Variants in CDK6 observed in about 807,000 individuals in gnomAD.
CDK6 encodes the protein cyclin-dependent kinase 6.
A neutral mutation model predicts 37.1 loss-of-function variants in CDK6; 6 were observed. The ratio of observed to expected loss-of-function variants is 0.16; its 90% CI spans 0.09 to 0.32. The LOEUF is 0.32. CDK6 is among the 10% of genes least tolerant of loss of function. CDK6 has a pLI of 1.00. For missense variants in CDK6, 224 were observed against 418.9 expected, an observed-to-expected ratio of 0.53 and a Z score of 4.06; for synonymous variants, 160 against 161.3, an observed-to-expected ratio of 0.99 and a Z score of 0.06.
intron 6 of CDK6, among the ~76,000 whole-genome samples, chr7:92,620,262 A>C (rs924676697): frequency 3.3e-5 from 5 of 152,194 alleles, no homozygotes; most frequent in African/African-American, 1.2e-4. Context: ...ATTTTATATA[A>C]AATTTTAAAC....
At chr7:92,677,132 A>T (rs1485444928) in intron 4 of CDK6, among the ~76,000 whole-genome samples, 1 of 152,210 alleles carries the variant, frequency 6.6e-6, no homozygotes, top group African/African-American at 2.4e-5. Context: ...ACCAAGTGAG[A>T]GTGAAATTAG....
At chr7:92,742,542 TTAACTA>T (rs1385588868) in intron 3 of CDK6, among the ~76,000 whole-genome samples, 1 of 152,198 alleles carries the variant, frequency 6.6e-6, no homozygotes, top group Non-Finnish European at 1.5e-5. Flanking sequence ...ATTTTGTACT[TTAACTA>T]TATATCTAAG....
chr7:92,648,099 G>A (rs776211060), intron 5 of CDK6, among the ~76,000 whole-genome samples: 19 of 152,104 alleles, frequency 1.2e-4, no homozygotes, highest in Non-Finnish European at 2.4e-4. Flanking sequence ...GTGTGTGTGG[G>A]TATGTGTGTG....
At chr7:92,769,636 C>G in intron 3 of CDK6, among the ~76,000 whole-genome samples, 1 of 152,050 alleles carries the variant, frequency 6.6e-6, no homozygotes, top group East Asian at 1.9e-4. Flanking sequence ...GACTAAATAC[C>G]AAATGAATGA....
At chr7:92,629,463 A>C (rs1326261586) in intron 5 of CDK6, among the ~76,000 whole-genome samples, 1 of 152,138 alleles carries the variant, frequency 6.6e-6, no homozygotes, top group Non-Finnish European at 1.5e-5. Context: ...TTTTCAACTC[A>C]AAATTGAGGA....
chr7:92,751,884 T>C, intron 3 of CDK6, among the ~76,000 whole-genome samples: 1 of 152,140 alleles, frequency 6.6e-6, no homozygotes, highest in East Asian at 1.9e-4. Flanking sequence ...TAATTAAAAT[T>C]ATAAAAATAA....
rs529152617 is a variant in CDK6 at position 92,783,355 on chromosome 7, G to A, written c.234-8524C>T. ...AACAACCCCTTTCCCACTAGCTGTT[G>A]CTGAAAAGTGGAAAAGGACAGGGAT... is the stretch of plus-strand genomic sequence containing the variant. On this transcript the variant is annotated intron_variant, in intron 2 of 7. Coordinates refer to ENST00000424848, the MANE Select transcript of CDK6 (RefSeq NM_001145306.2). Among the ~76,000 whole-genome samples, 31 of 152,286 alleles carry A rather than the reference G, an allele frequency of 2.0e-4. No individual in the cohort carries two copies. The East Asian group carries it at 4.4e-3, about 22-fold the overall frequency.
intron 4 of CDK6, among the ~76,000 whole-genome samples, chr7:92,678,043 G>C (rs1348149277): frequency 6.6e-6 from 1 of 152,140 alleles, no homozygotes; most frequent in African/African-American, 2.4e-5. Flanking sequence ...TTATTTGAAA[G>C]CTTTATAAAG....
chr7:92,787,025 T>C (rs1210611722), intron 2 of CDK6, among the ~76,000 whole-genome samples: 1 of 151,484 alleles, frequency 6.6e-6, no homozygotes, highest in African/African-American at 2.4e-5. Flanking sequence ...CCACAAAAAA[T>C]ACAAAAATTA....
At chr7:92,739,627 C>T (rs947864766) in intron 3 of CDK6, among the ~76,000 whole-genome samples, 1 of 152,256 alleles carries the variant, frequency 6.6e-6, no homozygotes, top group Non-Finnish European at 1.5e-5. Context: ...CCCTTCTCTC[C>T]CATCTCCATG....
Position 92,618,099 on chromosome 7 carries a change from G to T in CDK6, c.807C>A (p.Ile269=), listed in dbSNP as rs1293302758. ...AQPIEKFVTD[I]DELGKDLLLK... ...GAAGTAGGTCTTTGCCTAGTTCATC[G>T]ATATCTGTTACAAACTTCTCAATTG... The change falls in exon 7 of 8, where the codon ATC becomes ATA. Residue 269 remains isoleucine (I), a synonymous_variant. Coordinates refer to ENST00000424848, the MANE Select transcript of CDK6 (RefSeq NM_001145306.2). 1 of 1,614,064 alleles carries T rather than the reference G, an allele frequency of 6.2e-7. No homozygotes were observed. Among genetic ancestry groups the T allele is most frequent in the Non-Finnish European group, 8.5e-7 (1 of 1,179,968 alleles).
intron 5 of CDK6, among the ~76,000 whole-genome samples, chr7:92,646,395 T>C (rs1439298460): frequency 6.6e-6 from 1 of 151,494 alleles, no homozygotes; most frequent in African/African-American, 2.4e-5. Context: ...TTTTTTCTTT[T>C]TCTTTTTCTT....
At chr7:92,646,501 G>A (rs1392269500) in intron 5 of CDK6, among the ~76,000 whole-genome samples, 8 of 151,428 alleles carry the variant, frequency 5.3e-5, no homozygotes, top group Non-Finnish European at 1.5e-5. Flanking sequence ...AGGTTCAAGC[G>A]ATTCTCCTGC....
rs113101655 is a variant in CDK6, at chr7:92,833,426, G to C, written c.-103C>G. On this transcript the variant is annotated 5_prime_UTR_variant, in exon 2 of 8. Transcript: ENST00000424848. The surrounding 1 kb of genome is among the most constrained non-coding windows in gnomAD (Gnocchi z 6.1). ...CCTACTCCGGGGCTCCCCGGAGATCGGTCTAGCTTTACTTGCTCCCCGCCG... is the reference window on the plus strand; with the variant it reads ...CCTACTCCGGGGCTCCCCGGAGATCCGTCTAGCTTTACTTGCTCCCCGCCG... 2.3e-4 allele frequency: 185 copies of C among 793,510 alleles called. No individual in the cohort carries two copies. Among genetic ancestry groups the C allele is most frequent in the Non-Finnish European group, 3.4e-4 (176 of 520,330 alleles). The allele number at this position is 793,510 out of a possible 1,614,324, so 49.2% of individuals were successfully genotyped here. A position where few individuals can be genotyped will look rare whatever the true frequency, so the allele number is the denominator to read the frequency against.
chr7:92,711,842 ACATG>A (rs928813831), intron 4 of CDK6, among the ~76,000 whole-genome samples: 4 of 151,690 alleles, frequency 2.6e-5, no homozygotes, highest in African/African-American at 9.7e-5. Flanking sequence ...TGGTGGAATT[ACATG>A]CGTTAACCAC....
intron 7 of CDK6, 40 bp downstream of exon 7, chr7:92,618,032 C>A: frequency 6.2e-7 from 1 of 1,606,812 alleles, no homozygotes. Flanking sequence ...AGGTGTCTCA[C>A]TGGCACAGTG....
At chr7:92,749,565 T>C (rs1016269566) in intron 3 of CDK6, among the ~76,000 whole-genome samples, 2 of 152,162 alleles carry the variant, frequency 1.3e-5, no homozygotes, top group Admixed American at 1.3e-4. Context: ...TTCTTCAGGG[T>C]ATTCATATCA....
chr7:92,767,118 T>C (rs1050468021), intron 3 of CDK6, among the ~76,000 whole-genome samples: 1 of 152,230 alleles, frequency 6.6e-6, no homozygotes, highest in African/African-American at 2.4e-5. Flanking sequence ...TACATTAATG[T>C]AGCTTTTTAT....
At chr7:92,737,461 T>C (rs767792004) in intron 3 of CDK6, among the ~76,000 whole-genome samples, 6 of 152,246 alleles carry the variant, frequency 3.9e-5, no homozygotes, top group Admixed American at 2.0e-4. Flanking sequence ...TGGTTTTAAG[T>C]TGCTTTTTCC....
Sources: allele counts gnomAD v4.1 joint callset (sites outside exome capture counted in the v4.1 genomes callset), GRCh38; gene constraint gnomAD v4.1.1; non-coding constraint Gnocchi (gnomAD v3.1); transcripts MANE v1.5; gene names NCBI Gene and HGNC (gene_info 2026-07-23, HGNC 2026-07-21).